The following RBFOX1 variants were observed in gnomAD, a reference collection of about 807,000 sequenced individuals.
The protein encoded by RBFOX1 is RNA binding protein fox-1 homolog 1.
A neutral mutation model predicts 57.7 loss-of-function variants in RBFOX1; 8 were observed. That is an observed-to-expected ratio of 0.14 (90% CI 0.08 to 0.25). The LOEUF is 0.25. Ranked by LOEUF, RBFOX1 falls within the 10% of genes least tolerant of loss-of-function variation. The pLI is 1.00. For synonymous variants in RBFOX1, 326 were observed against 222.4 expected (o/e 1.47, Z -4.15); for missense variants, 611 against 548.5 (o/e 1.11, Z -1.14).
At chr16:6,543,666 T>C (rs911881916) in intron 2 of RBFOX1, among the ~76,000 whole-genome samples, 1 of 152,134 alleles carries the variant, frequency 6.6e-6, no homozygotes, top group Non-Finnish European at 1.5e-5. Context: ...AGAGGCACCT[T>C]GGCAGGGGAG....
intron 1 of RBFOX1, among the ~76,000 whole-genome samples, chr16:5,255,981 T>G (rs890458217): frequency 1.6e-4 from 25 of 152,006 alleles, no homozygotes; most frequent in African/African-American, 5.1e-4. Context: ...GATGTCACAT[T>G]AAAAGTGCAT....
At position 7,527,957 on chromosome 16, in the gene RBFOX1, T is replaced by G. The variant is rs532735522; in HGVS notation, c.270+9568T>G. Among the ~76,000 whole-genome samples the G allele has an allele frequency of 4.5e-4, 69 of 152,350 alleles. 1 individual carries two copies. Among genetic ancestry groups the G allele is most frequent in the Middle Eastern group, 3.4e-3 (1 of 294 alleles). ...ATTCCGAGATTTATTTTAAAGGTAA[T>G]TTTGTATTTAATGATTTATAGACAA... On this transcript the variant is annotated intron_variant, in intron 5 of 15. Coordinates refer to ENST00000550418, the MANE Select transcript of RBFOX1 (RefSeq NM_018723.4).
At chr16:6,348,138 C>T (rs2085684762) in intron 2 of RBFOX1, among the ~76,000 whole-genome samples, 1 of 152,076 alleles carries the variant, frequency 6.6e-6, no homozygotes, top group Non-Finnish European at 1.5e-5. Context: ...GGTTTGAGGT[C>T]TTTGCTCTTG....
At chr16:6,351,982 T>G (rs567411709) in intron 2 of RBFOX1, among the ~76,000 whole-genome samples, 5 of 152,282 alleles carry the variant, frequency 3.3e-5, no homozygotes, top group African/African-American at 1.2e-4. Flanking sequence ...GAACCAGCAT[T>G]TGAGTTCATG....
At chr16:7,393,541 A>G (rs767910308) in intron 4 of RBFOX1, among the ~76,000 whole-genome samples, 1 of 152,120 alleles carries the variant, frequency 6.6e-6, no homozygotes, top group Admixed American at 6.5e-5. Flanking sequence ...GCAAGTGGTG[A>G]ATTGAAGGAA....
intron 2 of RBFOX1, among the ~76,000 whole-genome samples, chr16:6,354,978 G>A (rs2087029786): frequency 6.6e-6 from 1 of 152,140 alleles, no homozygotes; most frequent in East Asian, 1.9e-4. Context: ...GTAGTTGCAG[G>A]TTATTACAGG....
chr16:5,990,473 T>C (rs1017124892), intron 4 of RBFOX1, among the ~76,000 whole-genome samples: 1 of 152,226 alleles, frequency 6.6e-6, no homozygotes, highest in Non-Finnish European at 1.5e-5. Flanking sequence ...AATACCTAGA[T>C]TCTGGCTTGA....
At position 7,470,909 on chromosome 16, in the gene RBFOX1, C is replaced by CT. The variant is rs962405759; in HGVS notation, c.28-47227dup. On this transcript the variant is annotated intron_variant, in intron 4 of 15. Coordinates refer to ENST00000550418, the MANE Select transcript of RBFOX1 (RefSeq NM_018723.4). ...GGATGGGGGAGTATAATTTGCTTTACTTTTTTTTTTTAACCTAAAAATATT... is the reference window on the plus strand; with the variant it reads ...GGATGGGGGAGTATAATTTGCTTTACTTTTTTTTTTTTAACCTAAAAATATT... Among the ~76,000 whole-genome samples the CT allele has an allele frequency of 5.0e-4, 72 of 144,980 alleles. 1 individual carries two copies. Among genetic ancestry groups the CT allele is most frequent in the African/African-American group, 9.3e-4 (37 of 39,822 alleles).
intron 4 of RBFOX1, among the ~76,000 whole-genome samples, chr16:7,388,302 C>T (rs1372951025): frequency 1.3e-5 from 2 of 152,082 alleles, no homozygotes; most frequent in East Asian, 1.9e-4. Context: ...GCATTGCTTT[C>T]TGGGGAAATT....
intron 2 of RBFOX1, among the ~76,000 whole-genome samples, chr16:6,523,115 C>T (rs1394361524): frequency 1.3e-5 from 2 of 152,122 alleles, no homozygotes; most frequent in Admixed American, 1.3e-4. Flanking sequence ...TTGAATTGTT[C>T]AATTGCCTTT....
At chr16:7,162,080 C>T (rs1447631721) in intron 4 of RBFOX1, among the ~76,000 whole-genome samples, 1 of 152,214 alleles carries the variant, frequency 6.6e-6, no homozygotes, top group Non-Finnish European at 1.5e-5. Flanking sequence ...GCCAGCTCCT[C>T]ACAAGGGAGT....
intron 4 of RBFOX1, among the ~76,000 whole-genome samples, chr16:7,175,275 C>T (rs2081429809): frequency 6.6e-6 from 1 of 152,024 alleles, no homozygotes; most frequent in African/African-American, 2.4e-5. Flanking sequence ...TTTCAGCTCC[C>T]ACTTATAAGT....
At chr16:6,349,676 G>A (rs1338453161) in intron 2 of RBFOX1, among the ~76,000 whole-genome samples, 1 of 152,074 alleles carries the variant, frequency 6.6e-6, no homozygotes, top group Non-Finnish European at 1.5e-5. Flanking sequence ...GAGCAAACCT[G>A]GCATTAACAA....
At chr16:7,055,492 AC>A (rs1216151139) in intron 4 of RBFOX1, among the ~76,000 whole-genome samples, 7 of 152,078 alleles carry the variant, frequency 4.6e-5, no homozygotes, top group Admixed American at 1.3e-4. Flanking sequence ...TCTGCCATCT[AC>A]CCCATATCAC....
intron 3 of RBFOX1, among the ~76,000 whole-genome samples, chr16:7,041,082 A>ATTTTTTTT (rs61569211): frequency 3.9e-3 from 423 of 109,248 alleles, no homozygotes; most frequent in African/African-American, 7.0e-3. Context: ...CGCCCAGCTA[A>ATTTTTTTT]TTTTTTTTTT....
chr16:6,381,563 C>T (rs2091816975), intron 2 of RBFOX1, among the ~76,000 whole-genome samples: 1 of 152,182 alleles, frequency 6.6e-6, no homozygotes, highest in African/African-American at 2.4e-5. Flanking sequence ...AAATAAGATG[C>T]AGGTTTGGGG....
chr16:5,299,091 C>T (rs4786663), intron 1 of RBFOX1, among the ~76,000 whole-genome samples: 6 of 149,722 alleles, frequency 4.0e-5, no homozygotes, highest in African/African-American at 1.5e-4. Flanking sequence ...ACAACCCTGT[C>T]GCCTTCCAGG....
At chr16:5,967,121 G>C (rs1034293464) in intron 4 of RBFOX1, among the ~76,000 whole-genome samples, 6 of 151,728 alleles carry the variant, frequency 4.0e-5, no homozygotes, top group African/African-American at 1.2e-4. Flanking sequence ...AACAACAGCA[G>C]AGTTGGGTAG....
At chr16:5,713,418 C>T (rs1236979256) in intron 3 of RBFOX1, among the ~76,000 whole-genome samples, 1 of 152,122 alleles carries the variant, frequency 6.6e-6, no homozygotes, top group African/African-American at 2.4e-5. Flanking sequence ...GAAACTTGTT[C>T]TTGTTTCATT....
Sources: allele counts gnomAD v4.1 joint callset (sites outside exome capture counted in the v4.1 genomes callset), GRCh38; gene constraint gnomAD v4.1.1; transcripts MANE v1.5; gene names NCBI Gene and HGNC (gene_info 2026-07-23, HGNC 2026-07-21).